MARCHF1: variants seen among roughly 807,000 people sequenced by gnomAD.
The protein encoded by MARCHF1 is E3 ubiquitin-protein ligase MARCHF1.
MARCHF1 carries 40 observed loss-of-function variants against 54.2 expected under a neutral mutation model. That is an observed-to-expected ratio of 0.74 (90% CI 0.57 to 0.96). The LOEUF (loss-of-function observed/expected upper bound fraction) is 0.96. Among genes scored for constraint, MARCHF1 ranks in the 40% least tolerant of loss-of-function variants. The pLI is 0.00. For missense variants in MARCHF1, 586 were observed against 656.5 expected (o/e 0.89, Z 1.17); for synonymous variants, 236 against 236.3 (o/e 1.00, Z 0.01).
chr4:163,552,120 T>G (rs569154109), intron 8 of MARCHF1, among the ~76,000 whole-genome samples: 2 of 152,336 alleles, frequency 1.3e-5, no homozygotes, highest in African/African-American at 4.8e-5. Context: ...CCAGTGATAA[T>G]CATTTGACAT....
intron 3 of MARCHF1, among the ~76,000 whole-genome samples, chr4:163,872,999 G>C (rs192387587): frequency 5.3e-5 from 8 of 151,794 alleles, no homozygotes; most frequent in Non-Finnish European, 8.8e-5. Flanking sequence ...AGCCGAGATC[G>C]CGCCACTGCA....
At chr4:163,688,123 G>C (rs1462208019) in intron 5 of MARCHF1, among the ~76,000 whole-genome samples, 5 of 151,366 alleles carry the variant, frequency 3.3e-5, no homozygotes, top group South Asian at 4.2e-4. Flanking sequence ...AATAGGGGGT[G>C]ATAAACCACA....
chr4:164,108,133 A>C, intron 2 of MARCHF1, among the ~76,000 whole-genome samples: 1 of 152,128 alleles, frequency 6.6e-6, no homozygotes, highest in East Asian at 1.9e-4. Context: ...CTCTGAACAA[A>C]GTATAGGCTG....
intron 4 of MARCHF1, among the ~76,000 whole-genome samples, chr4:163,779,836 A>AAAC (rs1025304053): frequency 9.2e-5 from 14 of 152,218 alleles, no homozygotes; most frequent in African/African-American, 3.4e-4. Flanking sequence ...AGAAAAAAAA[A>AAAC]CCCCTATTAC....
chr4:164,146,738 T>C (rs373472398), intron 1 of MARCHF1, among the ~76,000 whole-genome samples: 1 of 152,092 alleles, frequency 6.6e-6, no homozygotes, highest in African/African-American at 2.4e-5. Flanking sequence ...AAACCTAGGC[T>C]TTACCATTCA....
intron 1 of MARCHF1, among the ~76,000 whole-genome samples, chr4:164,115,996 T>A (rs898248384): frequency 1.2e-4 from 18 of 152,090 alleles, no homozygotes; most frequent in Non-Finnish European, 1.5e-5. Flanking sequence ...AGAGAAAAAC[T>A]TTCTTTGGCT....
intron 4 of MARCHF1, among the ~76,000 whole-genome samples, chr4:163,750,282 C>A (rs546567539): frequency 6.6e-6 from 1 of 152,044 alleles, no homozygotes; most frequent in East Asian, 1.9e-4. Context: ...GAGGCCGAGG[C>A]GGGCGGATCA....
chr4:163,836,782 T>C (rs1170645332), intron 4 of MARCHF1, among the ~76,000 whole-genome samples: 1 of 149,812 alleles, frequency 6.7e-6, no homozygotes, highest in Admixed American at 6.7e-5. Flanking sequence ...CAAAGAGCAC[T>C]GAGTCTGCTT....
intron 5 of MARCHF1, among the ~76,000 whole-genome samples, chr4:163,685,931 G>GT (rs1744256138): frequency 6.6e-6 from 1 of 152,166 alleles, no homozygotes; most frequent in African/African-American, 2.4e-5. Flanking sequence ...ACAGCACCTG[G>GT]TTAAATATGC....
At chr4:163,885,785 G>A (rs1750517236) in intron 3 of MARCHF1, among the ~76,000 whole-genome samples, 1 of 151,534 alleles carries the variant, frequency 6.6e-6, no homozygotes, top group Admixed American at 6.6e-5. Context: ...AAATATATTG[G>A]GGGGGTGCAG....
chr4:163,975,604 A>C lies in MARCHF1; in HGVS notation c.-39+12897T>G, dbSNP rs1457791940. On this transcript the variant is annotated intron_variant, in intron 3 of 9. Coordinates refer to ENST00000514618, the MANE Select transcript of MARCHF1 (RefSeq NM_001394959.1). ...TTCAGGTAAACATCCCAGGATTAAGATGAAATCAAGGGATTGGCTTTATGG... is the reference window on the plus strand; with the variant it reads ...TTCAGGTAAACATCCCAGGATTAAGCTGAAATCAAGGGATTGGCTTTATGG... Among the ~76,000 whole-genome samples, 9 of 152,326 alleles carry C rather than the reference A, an allele frequency of 5.9e-5. No homozygotes were observed. The East Asian group carries it at 1.7e-3, about 29-fold the overall frequency.
At chr4:163,912,728 A>T (rs1277116780) in intron 3 of MARCHF1, among the ~76,000 whole-genome samples, 1 of 152,216 alleles carries the variant, frequency 6.6e-6, no homozygotes, top group Non-Finnish European at 1.5e-5. Flanking sequence ...ACAATCATAT[A>T]CCGTGGCTGC....
intron 3 of MARCHF1, among the ~76,000 whole-genome samples, chr4:163,890,327 C>A (rs1375570822): frequency 6.6e-6 from 1 of 151,810 alleles, no homozygotes; most frequent in African/African-American, 2.4e-5. Context: ...CTTTATTTCA[C>A]AAAATATTCC....
chr4:163,835,297 G>A (rs897185662), intron 4 of MARCHF1, among the ~76,000 whole-genome samples: 17 of 152,072 alleles, frequency 1.1e-4, no homozygotes, highest in African/African-American at 3.9e-4. Context: ...GACCACATTC[G>A]TGGTTCTTAA....
chr4:164,316,466 AGTGCTAACATT>A (rs1734999506), intron 1 of MARCHF1, among the ~76,000 whole-genome samples: 1 of 152,172 alleles, frequency 6.6e-6, no homozygotes, highest in Non-Finnish European at 1.5e-5. Flanking sequence ...TTTAGATATC[AGTGCTAACATT>A]GTGCTTCCTA....
chr4:164,292,116 A>ACATTTG lies in MARCHF1; in HGVS notation c.-323+91748_-323+91753dup, dbSNP rs1182406561. Among the ~76,000 whole-genome samples the ACATTTG allele has an allele frequency of 4.6e-5, 7 of 152,274 alleles. No homozygotes were observed. The East Asian group carries it at 1.3e-3, about 29-fold the overall frequency. ...TTATGTGCCACTAAAGGAAAACAAC[A>ACATTTG]CATTTGCTATTTAAAACTTTTACAC... is the stretch of plus-strand genomic sequence containing the variant. On this transcript the variant is annotated intron_variant, in intron 1 of 9. Coordinates refer to ENST00000514618, the MANE Select transcript of MARCHF1 (RefSeq NM_001394959.1).
At chr4:164,272,161 G>A (rs187581716) in intron 1 of MARCHF1, among the ~76,000 whole-genome samples, 6 of 151,988 alleles carry the variant, frequency 3.9e-5, no homozygotes, top group South Asian at 2.1e-4. Flanking sequence ...AGAAAATCTC[G>A]TCCATTACTG....
At chr4:164,285,888 C>T (rs1734135962) in intron 1 of MARCHF1, among the ~76,000 whole-genome samples, 1 of 135,884 alleles carries the variant, frequency 7.4e-6, no homozygotes, top group African/African-American at 2.7e-5. Context: ...TTAATGATAA[C>T]TAATGCCATA....
chr4:163,807,438 G>T (rs1748258545), intron 4 of MARCHF1, among the ~76,000 whole-genome samples: 2 of 152,032 alleles, frequency 1.3e-5, no homozygotes. Context: ...CACATTTATT[G>T]TCTTATCATT....
Sources: allele counts gnomAD v4.1 joint callset (sites outside exome capture counted in the v4.1 genomes callset), GRCh38; gene constraint gnomAD v4.1.1; transcripts MANE v1.5; gene names NCBI Gene and HGNC (gene_info 2026-07-23, HGNC 2026-07-21).